PPP1CB: variants seen among roughly 807,000 people sequenced by gnomAD.
PPP1CB encodes the protein serine/threonine-protein phosphatase PP1-beta catalytic subunit.
A neutral mutation model predicts 43.7 loss-of-function variants in PPP1CB; 2 were observed. That is an observed-to-expected ratio of 0.05 (90% CI 0.02 to 0.14). The LOEUF (loss-of-function observed/expected upper bound fraction) is 0.14, where lower values mean the gene tolerates loss of function less well. Ranked by LOEUF, PPP1CB falls within the 10% of genes least tolerant of loss-of-function variation. The pLI, the probability that PPP1CB is intolerant of heterozygous loss-of-function variation, is 1.00. For synonymous variants in PPP1CB, 136 were observed against 135.6 expected (o/e 1.00, Z -0.02); for missense variants, 84 against 398.0 (o/e 0.21, Z 6.71).
At chr2:28,753,044 G>A (rs1158264538) in intron 1 of PPP1CB, among the ~76,000 whole-genome samples, 1 of 152,208 alleles carries the variant, frequency 6.6e-6, no homozygotes, top group East Asian at 1.9e-4. Context: ...GGGGGAAAAC[G>A]AAGAGGTGGA....
intron 1 of PPP1CB, among the ~76,000 whole-genome samples, chr2:28,774,970 T>A (rs1157054821): frequency 6.6e-6 from 1 of 152,196 alleles, no homozygotes; most frequent in Non-Finnish European, 1.5e-5. Flanking sequence ...CTGTGTCTCC[T>A]GTTTATTGCC....
At chr2:28,752,844 A>G (rs894891935) in intron 1 of PPP1CB, among the ~76,000 whole-genome samples, 1 of 152,262 alleles carries the variant, frequency 6.6e-6, no homozygotes, top group Non-Finnish European at 1.5e-5. Flanking sequence ...TGATGTATGT[A>G]GATGGGTTTG....
At chr2:28,788,609 A>G (rs1443843873) in intron 5 of PPP1CB, 49 bp from the exon 6 acceptor site, 2 of 1,574,326 alleles carry the variant, frequency 1.3e-6, no homozygotes, top group Non-Finnish European at 1.7e-6. Context: ...GCTATATTCT[A>G]TAAATCTGTA....
chr2:28,782,806 C>G (rs539736222), intron 4 of PPP1CB: 42 of 152,102 alleles, frequency 2.8e-4, no homozygotes, highest in Admixed American at 7.2e-4. Context: ...CATCAATATA[C>G]GGGAAGAATT....
At chr2:28,770,290 T>C (rs2148043903) in intron 1 of PPP1CB, among the ~76,000 whole-genome samples, 1 of 145,148 alleles carries the variant, frequency 6.9e-6, no homozygotes, top group Non-Finnish European at 1.5e-5. Flanking sequence ...ACATTGAAAT[T>C]AATGCAAAGC....
At chr2:28,770,786 CA>C (rs60172496) in intron 1 of PPP1CB, among the ~76,000 whole-genome samples, 80,777 of 151,746 alleles carry the variant, frequency 0.53, 22,186 homozygotes, top group Middle Eastern at 0.62. Context: ...ATATGCTTTT[CA>C]AAATATGTAT....
chr2:28,758,654 G>A (rs1399470115), intron 1 of PPP1CB, among the ~76,000 whole-genome samples: 1 of 152,216 alleles, frequency 6.6e-6, no homozygotes, highest in Non-Finnish European at 1.5e-5. Context: ...ATGGGTACTT[G>A]TCATACAGTA....
chr2:28,798,224 A>C (rs1667536386), intron 7 of PPP1CB, among the ~76,000 whole-genome samples: 1 of 152,106 alleles, frequency 6.6e-6, no homozygotes, highest in Non-Finnish European at 1.5e-5. Context: ...ATTTACATCC[A>C]CCAGAATGAG....
intron 5 of PPP1CB, among the ~76,000 whole-genome samples, chr2:28,785,065 CTTTTTTTTTTTTT>C (rs769650329): frequency 2.7e-4 from 15 of 55,000 alleles, no homozygotes; most frequent in Admixed American, 5.7e-4. Context: ...GTGTTAGGAG[CTTTTTTTTTTTTT>C]TTTTTTTTTT....
At chr2:28,797,728 T>G (rs1030810674) in intron 7 of PPP1CB, among the ~76,000 whole-genome samples, 4 of 152,194 alleles carry the variant, frequency 2.6e-5, no homozygotes, top group African/African-American at 9.6e-5. Context: ...CTTTTCTTAA[T>G]CTAGCTAGCA....
At chr2:28,787,947 A>G (rs1667306809) in intron 5 of PPP1CB, among the ~76,000 whole-genome samples, 1 of 152,190 alleles carries the variant, frequency 6.6e-6, no homozygotes, top group Admixed American at 6.5e-5. Context: ...TCCAAACATT[A>G]CCAAAGTCAA....
At chr2:28,776,096 A>G (rs953545181) in intron 1 of PPP1CB, among the ~76,000 whole-genome samples, 2 of 151,886 alleles carry the variant, frequency 1.3e-5, no homozygotes, top group Admixed American at 1.3e-4. Flanking sequence ...TAAATCACCT[A>G]CTGACAATTA....
intron 6 of PPP1CB, among the ~76,000 whole-genome samples, chr2:28,790,721 G>A (rs1435271068): frequency 6.6e-6 from 1 of 152,168 alleles, no homozygotes. Context: ...ATGCATACTT[G>A]AGTGTGTAGA....
At chr2:28,779,107 A>G (rs1667094721) in intron 3 of PPP1CB, 68 bp downstream of exon 3, 3 of 1,238,016 alleles carry the variant, frequency 2.4e-6, no homozygotes, top group African/African-American at 1.5e-5. Context: ...CTGGTTCAGA[A>G]GAGTTGCTTT....
intron 5 of PPP1CB, among the ~76,000 whole-genome samples, chr2:28,787,453 C>T (rs1041279918): frequency 5.3e-5 from 8 of 152,074 alleles, no homozygotes; most frequent in Admixed American, 2.6e-4. Flanking sequence ...AGCGAGACTC[C>T]GTCTCAAAAA....
chr2:28,792,296 C>T (rs761712432), intron 6 of PPP1CB, among the ~76,000 whole-genome samples: 9 of 151,396 alleles, frequency 5.9e-5, no homozygotes, highest in Admixed American at 2.0e-4. Context: ...GCCGAGATCG[C>T]GCCGTTGCAC....
intron 1 of PPP1CB, among the ~76,000 whole-genome samples, chr2:28,753,139 T>C (rs1263301719): frequency 6.6e-6 from 1 of 152,234 alleles, no homozygotes; most frequent in Non-Finnish European, 1.5e-5. Context: ...CCCTCTACCC[T>C]AAAGTTTTCG....
intron 4 of PPP1CB, 134 bp from the exon 5 acceptor site, chr2:28,783,773 G>A (rs1457097682): frequency 3.5e-6 from 2 of 577,902 alleles, no homozygotes; most frequent in African/African-American, 1.9e-5. Flanking sequence ...AAAAAAAGAC[G>A]TTAAAAGGAA....
At chr2:28,760,807 A>G (rs1666625718) in intron 1 of PPP1CB, among the ~76,000 whole-genome samples, 1 of 152,252 alleles carries the variant, frequency 6.6e-6, no homozygotes, top group South Asian at 2.1e-4. Flanking sequence ...GAATCTTTAT[A>G]GGTACTTGTA....
Sources: allele counts gnomAD v4.1 joint callset (sites outside exome capture counted in the v4.1 genomes callset), GRCh38; gene constraint gnomAD v4.1.1; transcripts MANE v1.5; gene names NCBI Gene and HGNC (gene_info 2026-07-23, HGNC 2026-07-21).